ESYT1: variants seen among roughly 807,000 people sequenced by gnomAD.
ESYT1 encodes the protein extended synaptotagmin 1.
ESYT1 carries 116 observed loss-of-function variants against 154.2 expected under a neutral mutation model. That is an observed-to-expected ratio of 0.75 (90% CI 0.65 to 0.88). The LOEUF is 0.88. Ranked by LOEUF, ESYT1 falls within the 40% of genes least tolerant of loss-of-function variation. ESYT1 has a pLI of 0.00. For synonymous variants in ESYT1, 500 were observed against 539.9 expected (o/e 0.93, Z 1.02); for missense variants, 1,264 against 1,379.3 (o/e 0.92, Z 1.32).
intron 24 of ESYT1, among the ~76,000 whole-genome samples, chr12:56,141,906 C>T (rs1452383152): frequency 6.6e-6 from 1 of 151,936 alleles, no homozygotes; most frequent in Non-Finnish European, 1.5e-5. Context: ...TGAGACCAGC[C>T]TGACCAACAT....
chr12:56,143,635 T>G lies in ESYT1; in HGVS notation c.3275+6T>G. The G allele has an allele frequency of 6.2e-7, 1 of 1,613,212 alleles. No homozygotes were observed. Among genetic ancestry groups the G allele is most frequent in the Non-Finnish European group, 8.5e-7 (1 of 1,179,740 alleles). ...TCCCAGGGTGTAGCCCGGTGGTGAG[T>G]GTCTGCGTGGGTGGGGGATGGTCTG... On this transcript the variant is annotated splice_donor_region_variant and intron_variant, in intron 30 of 30. Transcript: ENST00000394048.
intron 15 of ESYT1, 44 bp downstream of exon 15, chr12:56,134,472 G>T (rs768222914): frequency 6.6e-7 from 1 of 1,523,884 alleles, no homozygotes. Flanking sequence ...ACCCTATTCT[G>T]ACTTCCCAGA....
intron 2 of ESYT1, 83 bp from the exon 3 acceptor site, chr12:56,130,708 G>A: frequency 6.2e-7 from 1 of 1,613,152 alleles, no homozygotes; most frequent in Non-Finnish European, 8.5e-7. Context: ...AACCCTCAGT[G>A]CTCTCCGTGG....
In ESYT1 at chr12:56,142,154, C is replaced by T; in HGVS notation, c.2593-131C>T. The T allele has an allele frequency of 9.6e-7, 1 of 1,036,430 alleles. No homozygotes were observed. The highest frequency in any genetic ancestry group is 1.4e-6 in the Non-Finnish European group (1 of 710,906). 64.2% of individuals were successfully genotyped at this position (1,036,430 alleles called of 1,614,324 possible). ...GAGGGACTAGCAACTGTTACCATGG[C>T]TTCCCTGCCTTTCTCAAAGGGAAAT... is the stretch of plus-strand genomic sequence containing the variant. On this transcript the variant is annotated intron_variant, in intron 24 of 30. Transcript: ENST00000394048. The surrounding 1 kb of genome is among the most constrained non-coding windows in gnomAD (Gnocchi z 4.1).
chr12:56,142,780 A>G lies in ESYT1; in HGVS notation c.2888+48A>G. 1 of 1,613,506 alleles carries G rather than the reference A, an allele frequency of 6.2e-7. No homozygotes were observed. The highest frequency in any genetic ancestry group is 1.7e-5 in the Admixed American group (1 of 59,926). Reference sequence around the variant, plus strand: ...TGGGACGCAGTCAGAAATAAAAAGTATTACAGGTTCACTAGGCTCTAGCTT... The same window carrying G: ...TGGGACGCAGTCAGAAATAAAAAGTGTTACAGGTTCACTAGGCTCTAGCTT... On this transcript the variant is annotated intron_variant, in intron 26 of 30. Transcript: ENST00000394048. The surrounding 1 kb of genome is among the most constrained non-coding windows in gnomAD (Gnocchi z 4.1).
intron 24 of ESYT1, among the ~76,000 whole-genome samples, chr12:56,141,710 A>G (rs542790889): frequency 2.0e-5 from 3 of 152,220 alleles, no homozygotes; most frequent in East Asian, 1.9e-4. Context: ...ACTGCACTCC[A>G]GCCTGGGCAA....
chr12:56,130,396 TAG>T (rs1592243932), intron 1 of ESYT1, 184 bp from the exon 2 acceptor site: 1 of 675,730 alleles, frequency 1.5e-6, no homozygotes. Context: ...CTCCCCTTAT[TAG>T]AGAGACATCA....
intron 15 of ESYT1, among the ~76,000 whole-genome samples, chr12:56,136,157 C>T (rs2136877324): frequency 6.6e-6 from 1 of 150,810 alleles, no homozygotes; most frequent in East Asian, 1.9e-4. Flanking sequence ...TAAGGAGGGT[C>T]AGAGAAAGGG....
rs1349313377 is a variant in ESYT1 at position 56,143,080 on chromosome 12, C to A, written c.3051C>A (p.Asp1017Glu). Reference protein sequence around the residue: ...DPYVSLLLLPDKNRGTKRRTS... With the variant: ...DPYVSLLLLPEKNRGTKRRTS... ...ATGTGTCACTGTTGCTACTGCCAGA[C>A]AAGAACCGAGGCACCAAGAGGAGGA... The change falls in exon 28 of 31, where the codon GAC becomes GAA. Residue 1017 changes from aspartate to glutamate, a missense_variant. Coordinates refer to ENST00000394048, the MANE Select transcript of ESYT1 (RefSeq NM_015292.3). 6.2e-7 allele frequency: 1 copy of A among 1,614,150 alleles called. No individual in the cohort carries two copies. Among genetic ancestry groups the A allele is most frequent in the Admixed American group, 1.7e-5 (1 of 60,016 alleles).
intron 13 of ESYT1, 73 bp from the exon 14 acceptor site, chr12:56,134,037 G>T (rs762396739): frequency 3.3e-5 from 53 of 1,584,434 alleles, no homozygotes; most frequent in Non-Finnish European, 4.3e-5. Context: ...ATTCTGATGC[G>T]ATCCCACCTT....
At position 56,143,214 on chromosome 12, in the gene ESYT1, C is replaced by T; in HGVS notation, c.3120-14C>T. On this transcript the variant is annotated splice_polypyrimidine_tract_variant and intron_variant, in intron 28 of 30. Coordinates refer to ENST00000394048, the MANE Select transcript of ESYT1 (RefSeq NM_015292.3). ...GAAAGGACTCCTGGCCCCTAACATC[C>T]AGTCCTACCCCAGGTTTGAGTGGGA... 2 of 1,614,144 alleles carry T rather than the reference C, an allele frequency of 1.2e-6. No individual in the cohort carries two copies. The highest frequency in any genetic ancestry group is 1.7e-6 in the Non-Finnish European group (2 of 1,180,010).
chr12:56,138,314 GC>G (rs764054846), intron 21 of ESYT1, 42 bp downstream of exon 21: 1 of 1,612,770 alleles, frequency 6.2e-7, no homozygotes, highest in Non-Finnish European at 8.5e-7. Context: ...CCAAGGTGGG[GC>G]AGGATGAGCT....
In ESYT1 at chr12:56,138,222, T is replaced by G. The variant is rs1458151760; in HGVS notation, c.2287T>G (p.Leu763Val). The change falls in exon 21 of 31, where the codon TTG (leucine) becomes GTG (valine). Residue 763 changes from leucine to valine, a missense_variant. Coordinates refer to ENST00000394048, the MANE Select transcript of ESYT1 (RefSeq NM_015292.3). The stretch of plus-strand genomic sequence containing the variant: ...GGATGTCCCATCTGGCCGCCTGCAC[T>G]TGCGCCTGGAGCGTCTCACCCCCCG... ...LEDVPSGRLH[L>V]RLERLTPRPT... The G allele has an allele frequency of 1.2e-6, 2 of 1,614,208 alleles. No individual in the cohort carries two copies. The highest frequency in any genetic ancestry group is 2.2e-5 in the South Asian group (2 of 91,086).
intron 15 of ESYT1, among the ~76,000 whole-genome samples, chr12:56,135,534 C>A (rs149007008): frequency 6.6e-6 from 1 of 152,100 alleles, no homozygotes; most frequent in South Asian, 2.1e-4. Context: ...CTTCACAATA[C>A]TCACTGGCCA....
At chr12:56,133,084 G>A (rs1047698953) in intron 10 of ESYT1, among the ~76,000 whole-genome samples, 1 of 151,942 alleles carries the variant, frequency 6.6e-6, no homozygotes, top group Admixed American at 6.6e-5. Flanking sequence ...TCGCGCCACT[G>A]CACTCCAGCC....
chr12:56,136,658 T>C (rs2136878127), intron 15 of ESYT1, 86 bp from the exon 16 acceptor site: 1 of 1,250,250 alleles, frequency 8.0e-7, no homozygotes, highest in East Asian at 2.5e-5. Context: ...CAGAGAGGAA[T>C]GAAGTTGGAG....
Position 56,144,033 on chromosome 12 carries a change from G to A in ESYT1, c.*171G>A, listed in dbSNP as rs374229598. ...CTTTGCCTGACCAAAGAGAAGAACC[G>A]TATGTTCCCTTTACTGCACGGCCTT... is the stretch of plus-strand genomic sequence containing the variant. On this transcript the variant is annotated 3_prime_UTR_variant, in exon 31 of 31. Coordinates refer to ENST00000394048, the MANE Select transcript of ESYT1 (RefSeq NM_015292.3). 1.5e-5 allele frequency: 22 copies of A among 1,474,360 alleles called. No individual in the cohort carries two copies. Among genetic ancestry groups the A allele is most frequent in the Admixed American group, 7.5e-5 (3 of 40,118 alleles). The allele number at this position is 1,474,360 out of a possible 1,614,324, so 91.3% of individuals were successfully genotyped here.
chr12:56,132,476 A>G lies in ESYT1; in HGVS notation c.1040A>G (p.Tyr347Cys). The change falls in exon 9 of 31, where the codon TAT becomes TGT. Residue 347 changes from tyrosine (Y) to cysteine (C), a missense_variant. Tyr to Cys is a radical substitution (Grantham distance 194, BLOSUM62 -2). Coordinates refer to ENST00000394048, the MANE Select transcript of ESYT1 (RefSeq NM_015292.3). ...CGAGGGCTGAGTTCCAAGGACAAAT[A>G]TGTGAAGGGCCTGATTGAGGGCAAG... Reference protein sequence around the residue: ...AARGLSSKDKYVKGLIEGKSD... With the variant: ...AARGLSSKDKCVKGLIEGKSD... The G allele has an allele frequency of 6.2e-7, 1 of 1,614,130 alleles. No homozygotes were observed. Among genetic ancestry groups the G allele is most frequent in the Non-Finnish European group, 8.5e-7 (1 of 1,180,032 alleles).
At position 56,139,020 on chromosome 12, in the gene ESYT1, T is replaced by C; in HGVS notation, c.2592+7T>C. On this transcript the variant is annotated splice_region_variant and intron_variant, in intron 24 of 30. Transcript: ENST00000394048. ...TGAGAGCCTAGAGTTGCAGGTACTG[T>C]AAATTCATTCTTCAAATATTTAGCA... The C allele has an allele frequency of 6.2e-7, 1 of 1,607,142 alleles. No individual in the cohort carries two copies. The highest frequency in any genetic ancestry group is 2.2e-5 in the East Asian group (1 of 44,854).
Sources: gnomAD v4.1 joint callset for allele counts (sites outside exome capture counted in the v4.1 genomes callset) on GRCh38, gnomAD v4.1.1 for gene constraint, Gnocchi (gnomAD v3.1) non-coding constraint, MANE v1.5 for transcripts, NCBI Gene and HGNC (gene_info 2026-07-23, HGNC 2026-07-21) for gene names.